Variants in NRG3 observed in about 807,000 individuals in gnomAD.
The protein encoded by NRG3 is pro-neuregulin-3, membrane-bound isoform.
NRG3 carries 31 observed loss-of-function variants against 66.9 expected under a neutral mutation model. The ratio of observed to expected loss-of-function variants is 0.46; its 90% CI spans 0.35 to 0.63. The LOEUF is 0.63. Ranked by LOEUF, NRG3 falls within the 20% of genes least tolerant of loss-of-function variation. The pLI is 0.00. For missense variants in NRG3, 910 were observed against 878.9 expected, an observed-to-expected ratio of 1.04 and a Z score of -0.45; for synonymous variants, 393 against 359.4, an observed-to-expected ratio of 1.09 and a Z score of -1.06.
intron 1 of NRG3, among the ~76,000 whole-genome samples, chr10:82,146,100 A>T (rs1025595315): frequency 1.2e-4 from 18 of 152,226 alleles, no homozygotes; most frequent in Non-Finnish European, 2.9e-5. Flanking sequence ...TTATGACAGC[A>T]TCTGATTCAG....
intron 2 of NRG3, among the ~76,000 whole-genome samples, chr10:82,366,629 C>T (rs890944010): frequency 1.3e-5 from 2 of 151,862 alleles, no homozygotes; most frequent in Admixed American, 6.6e-5. Context: ...AAATTGTTGT[C>T]GATTTTGCAA....
At chr10:82,166,789 T>C in intron 1 of NRG3, 1 of 684,616 alleles carries the variant, frequency 1.5e-6, no homozygotes, top group Non-Finnish European at 2.7e-6. Flanking sequence ...ACATTTCAAG[T>C]AGTGTGGGTC....
intron 3 of NRG3, among the ~76,000 whole-genome samples, chr10:82,780,158 T>A (rs2060063174): frequency 6.6e-6 from 1 of 152,232 alleles, no homozygotes; most frequent in African/African-American, 2.4e-5. Context: ...TCTTTGCTAT[T>A]GTTAACAGTG....
chr10:82,032,970 C>G (rs1185016030), intron 1 of NRG3, among the ~76,000 whole-genome samples: 1 of 151,884 alleles, frequency 6.6e-6, no homozygotes, highest in African/African-American at 2.4e-5. Flanking sequence ...AAATAATGAC[C>G]CTCATGCTGA....
At chr10:81,969,964 G>T (rs1051535331) in intron 1 of NRG3, among the ~76,000 whole-genome samples, 2 of 152,054 alleles carry the variant, frequency 1.3e-5, no homozygotes, top group Non-Finnish European at 2.9e-5. Flanking sequence ...GCTAGAAGGA[G>T]ATTTTTTAGA....
chr10:82,166,278 C>G (rs1226083140), intron 1 of NRG3, among the ~76,000 whole-genome samples: 1 of 152,160 alleles, frequency 6.6e-6, no homozygotes, highest in East Asian at 1.9e-4. Context: ...CTTGGCCTCC[C>G]AAAGTGCTGG....
chr10:82,611,395 C>T (rs2048303567), intron 2 of NRG3, among the ~76,000 whole-genome samples: 1 of 152,050 alleles, frequency 6.6e-6, no homozygotes, highest in South Asian at 2.1e-4. Context: ...CTAGGTATTT[C>T]TCCCAGTGCT....
chr10:82,004,281 C>A (rs2061296849), intron 1 of NRG3, among the ~76,000 whole-genome samples: 1 of 152,004 alleles, frequency 6.6e-6, no homozygotes, highest in African/African-American at 2.4e-5. Context: ...AAATGTATTT[C>A]TTCACGTGAA....
intron 1 of NRG3, among the ~76,000 whole-genome samples, chr10:82,127,030 CTTG>C (rs1335475046): frequency 1.3e-5 from 2 of 152,092 alleles, no homozygotes; most frequent in Non-Finnish European, 2.9e-5. Context: ...GTTGTTTTGA[CTTG>C]TTGTTCAATC....
chr10:82,304,611 G>C (rs2134839861), intron 1 of NRG3, among the ~76,000 whole-genome samples: 1 of 152,186 alleles, frequency 6.6e-6, no homozygotes, highest in Admixed American at 6.5e-5. Context: ...GCTATTCCTA[G>C]CTCATGTGGT....
chr10:81,956,599 T>C (rs989895027), intron 1 of NRG3, among the ~76,000 whole-genome samples: 1 of 152,168 alleles, frequency 6.6e-6, no homozygotes, highest in Non-Finnish European at 1.5e-5. Context: ...TGCTGACCAC[T>C]TCTTAACTGT....
intron 2 of NRG3, among the ~76,000 whole-genome samples, chr10:82,584,970 T>G (rs1248789898): frequency 6.6e-6 from 1 of 150,438 alleles, no homozygotes; most frequent in Non-Finnish European, 1.5e-5. Context: ...CAAGCAATTG[T>G]TGTTGCTGTT....
At chr10:82,919,486 CA>C (rs1423019063) in intron 4 of NRG3, among the ~76,000 whole-genome samples, 9 of 152,232 alleles carry the variant, frequency 5.9e-5, no homozygotes, top group Admixed American at 5.2e-4. Context: ...CTATGCATCC[CA>C]GGCACAACCA....
rs934086467 is a variant in NRG3 at position 82,414,138 on chromosome 10, C to A, written c.953+55270C>A. Among the ~76,000 whole-genome samples, 3 of 152,084 alleles carry A rather than the reference C, an allele frequency of 2.0e-5. 1 individual carries two copies. In the East Asian group the frequency reaches 5.8e-4, roughly 29 times the overall value. ...ACCTGTCTCAGCTTTTGACATGCCT[C>A]CCTCACTAAGCTTAATCATTTCCAG... On this transcript the variant is annotated intron_variant, in intron 2 of 8. Coordinates refer to ENST00000372141, the MANE Select transcript of NRG3 (RefSeq NM_001010848.4).
chr10:81,877,999 G>A lies in NRG3; in HGVS notation c.823+1836G>A, dbSNP rs370443951. ...TACCTCCAACCCTTGTATGCGTTGG[G>A]AGAGGAGGGGGACTACACACGGTAG... On this transcript the variant is annotated intron_variant, in intron 1 of 8. Transcript: ENST00000372141. The A allele has an allele frequency of 1.0e-4, 158 of 1,537,636 alleles. No individual in the cohort carries two copies. The African/African-American group carries it at 1.8e-3, about 18-fold the overall frequency.
At chr10:82,085,092 A>G (rs1456768674) in intron 1 of NRG3, among the ~76,000 whole-genome samples, 2 of 152,122 alleles carry the variant, frequency 1.3e-5, no homozygotes, top group African/African-American at 4.8e-5. Flanking sequence ...CGCTATTACA[A>G]AGGGGCCTCT....
chr10:82,685,322 T>G (rs2134157278), intron 2 of NRG3, among the ~76,000 whole-genome samples: 1 of 152,318 alleles, frequency 6.6e-6, no homozygotes, highest in South Asian at 2.1e-4. Flanking sequence ...GCACTGCAGT[T>G]GGAAGGAAGG....
At chr10:82,091,843 A>G (rs1416968718) in intron 1 of NRG3, among the ~76,000 whole-genome samples, 2 of 152,116 alleles carry the variant, frequency 1.3e-5, no homozygotes, top group Non-Finnish European at 2.9e-5. Context: ...TTAAATAATA[A>G]CCATCTTAAT....
chr10:82,928,267 A>T (rs908151990), intron 4 of NRG3, among the ~76,000 whole-genome samples: 3 of 151,820 alleles, frequency 2.0e-5, no homozygotes, highest in African/African-American at 7.3e-5. Context: ...GATTGCAAAA[A>T]TTTTTTCCCA....
Sources: gnomAD v4.1 joint callset for allele counts (sites outside exome capture counted in the v4.1 genomes callset) on GRCh38, gnomAD v4.1.1 for gene constraint, MANE v1.5 for transcripts, NCBI Gene and HGNC (gene_info 2026-07-23, HGNC 2026-07-21) for gene names.